Variants in PTPRK observed in about 807,000 individuals in gnomAD.
PTPRK encodes protein tyrosine phosphatase receptor type K, also known as receptor-type tyrosine-protein phosphatase kappa.
A neutral mutation model predicts 178.0 loss-of-function variants in PTPRK; 75 were observed. The ratio of observed to expected loss-of-function variants is 0.42; its 90% CI spans 0.35 to 0.51. The LOEUF (loss-of-function observed/expected upper bound fraction) is 0.51, where lower values mean the gene tolerates loss of function less well. PTPRK is among the 20% of genes least tolerant of loss of function. The pLI is 0.02. For synonymous variants in PTPRK, 637 were observed against 620.6 expected (o/e 1.03, Z -0.39); for missense variants, 1,441 against 1,797.8 (o/e 0.80, Z 3.59).
chr6:128,357,978 A>G (rs1288032430), intron 2 of PTPRK, among the ~76,000 whole-genome samples: 1 of 152,186 alleles, frequency 6.6e-6, no homozygotes, highest in Non-Finnish European at 1.5e-5. Flanking sequence ...ATTTCCATGA[A>G]AAACATTAGC....
At chr6:128,155,524 A>G (rs183751400) in intron 7 of PTPRK, among the ~76,000 whole-genome samples, 1 of 151,764 alleles carries the variant, frequency 6.6e-6, no homozygotes, top group Admixed American at 6.6e-5. Context: ...ACTATCATCC[A>G]AAGATTATCA....
In PTPRK at chr6:128,322,024, A is replaced by G; in HGVS notation, c.495+15T>C. Reference sequence around the variant, plus strand: ...ATGACATCAAAACATACACCAGAAAAGTACAGATGATTACCTGATATTCAT... The same window carrying G: ...ATGACATCAAAACATACACCAGAAAGGTACAGATGATTACCTGATATTCAT... On this transcript the variant is annotated intron_variant, in intron 3 of 29. Transcript: ENST00000368226. 1 of 1,613,850 alleles carries G rather than the reference A, an allele frequency of 6.2e-7. No individual in the cohort carries two copies. The highest frequency in any genetic ancestry group is 8.5e-7 in the Non-Finnish European group (1 of 1,179,884).
chr6:128,345,126 A>G (rs1372012117), intron 2 of PTPRK, among the ~76,000 whole-genome samples: 5 of 152,132 alleles, frequency 3.3e-5, no homozygotes, highest in Admixed American at 1.3e-4. Flanking sequence ...GTTCTTTCTA[A>G]GCAAGTTTTT....
At chr6:128,070,303 C>T (rs1782591347) in intron 11 of PTPRK, among the ~76,000 whole-genome samples, 1 of 152,026 alleles carries the variant, frequency 6.6e-6, no homozygotes. Flanking sequence ...GTGTTACCAA[C>T]TGAATATTTG....
chr6:128,391,121 T>C (rs201452918), intron 2 of PTPRK, among the ~76,000 whole-genome samples: 6,239 of 24,078 alleles, frequency 0.26, 387 homozygotes, highest in East Asian at 0.6. Context: ...AAAATATTAT[T>C]TTTTTAAAAA....
At chr6:128,000,207 T>A (rs1274413862) in intron 15 of PTPRK, 9 of 1,090,292 alleles carry the variant, frequency 8.3e-6, no homozygotes, top group Non-Finnish European at 1.0e-5. Flanking sequence ...CTGTAGAGAA[T>A]GATATTTAAT....
intron 9 of PTPRK, among the ~76,000 whole-genome samples, chr6:128,082,968 T>C (rs1785088903): frequency 6.6e-6 from 1 of 152,112 alleles, no homozygotes. Context: ...ACACAGAAAG[T>C]GTTTCAACAA....
chr6:128,092,118 T>C (rs1787071099), intron 7 of PTPRK, among the ~76,000 whole-genome samples: 1 of 152,208 alleles, frequency 6.6e-6, no homozygotes, highest in South Asian at 2.1e-4. Context: ...ACAATGTATA[T>C]AAAGCACAAT....
chr6:128,278,752 TA>T (rs1348326177), intron 3 of PTPRK, among the ~76,000 whole-genome samples: 1 of 152,140 alleles, frequency 6.6e-6, no homozygotes, highest in African/African-American at 2.4e-5. Context: ...CACAAGACTA[TA>T]AAAAACATCG....
At chr6:128,169,795 G>A (rs1371136460) in intron 7 of PTPRK, among the ~76,000 whole-genome samples, 77 of 149,224 alleles carry the variant, frequency 5.2e-4, no homozygotes, top group Admixed American at 3.9e-3. Flanking sequence ...GTGTGTGTGT[G>A]TGTGTGTGTG....
chr6:128,237,144 C>A lies in PTPRK; in HGVS notation c.693+2891G>T, dbSNP rs191479539. ...CACCTTTCACAGAGTTATAGTATAT[C>A]ATTTTTCCTTTGAAATAGAAAATTG... On this transcript the variant is annotated intron_variant, in intron 5 of 29. Transcript: ENST00000368226. Among the ~76,000 whole-genome samples the A allele has an allele frequency of 6.2e-4, 95 of 152,296 alleles. 1 individual carries two copies. The highest frequency in any genetic ancestry group is 6.1e-3 in the Admixed American group (93 of 15,298).
chr6:128,133,605 A>G (rs1224990023), intron 7 of PTPRK, among the ~76,000 whole-genome samples: 1 of 152,222 alleles, frequency 6.6e-6, no homozygotes, highest in Admixed American at 6.5e-5. Context: ...TATTTCACAA[A>G]CCCAAAATTA....
At chr6:128,065,882 C>T (rs1781663339) in intron 12 of PTPRK, among the ~76,000 whole-genome samples, 2 of 152,160 alleles carry the variant, frequency 1.3e-5, no homozygotes, top group African/African-American at 4.8e-5. Context: ...CCAATCTCTA[C>T]TTGTAGAAGT....
At position 127,998,862 on chromosome 6, in the gene PTPRK, T is replaced by C; in HGVS notation, c.2537A>G (p.Asp846Gly). ...SATAESSRLL[D>G]VPRYLCEGTE... ...CCCCTCACAGAGGTAGCGAGGTACG[T>C]CTAGAAGGCGACTGGACTCTGCTGT... The change falls in exon 16 of 30, where the codon GAC becomes GGC. Residue 846 changes from aspartate (D) to glycine (G), a missense_variant. Physicochemically the swap from Asp to Gly is moderately conservative, Grantham distance 94. Coordinates refer to ENST00000368226, the MANE Select transcript of PTPRK (RefSeq NM_002844.4). 1 of 1,596,990 alleles carries C rather than the reference T, an allele frequency of 6.3e-7. No homozygotes were observed. Among genetic ancestry groups the C allele is most frequent in the Non-Finnish European group, 8.6e-7 (1 of 1,169,398 alleles).
chr6:128,350,498 C>T (rs1832978985), intron 2 of PTPRK, among the ~76,000 whole-genome samples: 1 of 152,090 alleles, frequency 6.6e-6, no homozygotes, highest in Non-Finnish European at 1.5e-5. Context: ...AATCCAACGA[C>T]CACTGATAGA....
At chr6:128,419,838 G>A (rs1361298329) in intron 1 of PTPRK, among the ~76,000 whole-genome samples, 1 of 152,204 alleles carries the variant, frequency 6.6e-6, no homozygotes, top group East Asian at 1.9e-4. Context: ...ATAGCGAGAA[G>A]AGTATCTGTT....
At position 128,088,964 on chromosome 6, in the gene PTPRK, G is replaced by A. The variant is rs552908640; in HGVS notation, c.1465+726C>T. Among the ~76,000 whole-genome samples, 15 of 152,172 alleles carry A rather than the reference G, an allele frequency of 9.9e-5. No individual in the cohort carries two copies. In the South Asian group the frequency reaches 2.9e-3, roughly 29 times the overall value. On this transcript the variant is annotated intron_variant, in intron 8 of 29. Coordinates refer to ENST00000368226, the MANE Select transcript of PTPRK (RefSeq NM_002844.4). ...AAGGGTAAGCAGTATAAACAGTGTT[G>A]TTTCCTTTTTTCCTTGAGACGGAGT...
At chr6:128,205,785 A>AAAAAAG (rs1451168315) in intron 6 of PTPRK, among the ~76,000 whole-genome samples, 2 of 150,026 alleles carry the variant, frequency 1.3e-5, no homozygotes, top group African/African-American at 4.9e-5. Flanking sequence ...ACCAAAAAAA[A>AAAAAAG]AAAAAAAAAA....
intron 15 of PTPRK, among the ~76,000 whole-genome samples, chr6:128,003,440 ACT>A (rs1487561661): frequency 6.6e-6 from 1 of 151,706 alleles, no homozygotes; most frequent in Non-Finnish European, 1.5e-5. Flanking sequence ...ATGGTTCAGA[ACT>A]CTGTTTAATT....
Sources: allele counts gnomAD v4.1 joint callset (sites outside exome capture counted in the v4.1 genomes callset), GRCh38; gene constraint gnomAD v4.1.1; transcripts MANE v1.5; gene names NCBI Gene and HGNC (gene_info 2026-07-23, HGNC 2026-07-21).